CLNK: variants seen among roughly 807,000 people sequenced by gnomAD.
CLNK encodes cytokine-dependent hematopoietic cell linker.
A neutral mutation model predicts 68.6 loss-of-function variants in CLNK; 74 were observed. That is an observed-to-expected ratio of 1.08 (90% CI 0.89 to 1.31). The LOEUF (loss-of-function observed/expected upper bound fraction) is 1.31. CLNK is among the 50% of genes most tolerant of loss of function. The probability of loss-of-function intolerance (pLI) is 0.00; values close to 1 mark genes in which losing one functional copy is unlikely to be tolerated. For missense variants in CLNK, 553 were observed against 515.3 expected (o/e 1.07, Z -0.71); for synonymous variants, 198 against 172.2 (o/e 1.15, Z -1.17).
chr4:10,708,983 C>T, the CLNK span, among the ~76,000 whole-genome samples: 1 of 152,150 alleles, frequency 6.6e-6, no homozygotes, highest in Non-Finnish European at 1.5e-5. Flanking sequence ...AAAAGCCTGG[C>T]TTAACAAATC....
chr4:10,629,209 A>C (rs548904945), intron 2 of CLNK, among the ~76,000 whole-genome samples: 1 of 152,120 alleles, frequency 6.6e-6, no homozygotes, highest in South Asian at 2.1e-4. Flanking sequence ...GGTCAGATAC[A>C]TTTGTATGTG....
chr4:10,686,908 T>C (rs984082633), upstream of CLNK, among the ~76,000 whole-genome samples: 1 of 152,134 alleles, frequency 6.6e-6, no homozygotes, highest in Non-Finnish European at 1.5e-5. Flanking sequence ...TTAAAGCTTT[T>C]TTTCTTGGAA....
chr4:10,605,440 T>C (rs1395800943), intron 2 of CLNK, among the ~76,000 whole-genome samples: 1 of 152,112 alleles, frequency 6.6e-6, no homozygotes, highest in African/African-American at 2.4e-5. Context: ...CTGTAATGAA[T>C]ACTGTAGGCA....
chr4:10,577,434 G>A (rs940421567), intron 4 of CLNK, among the ~76,000 whole-genome samples: 1 of 152,104 alleles, frequency 6.6e-6, no homozygotes, highest in African/African-American at 2.4e-5. Flanking sequence ...GTCTTCTCAG[G>A]TACCAGAACC....
intron 15 of CLNK, 103 bp from the exon 16 acceptor site, chr4:10,513,700 T>C (rs1717707298): frequency 8.6e-7 from 1 of 1,159,720 alleles, no homozygotes; most frequent in Non-Finnish European, 1.2e-6. Context: ...CCTATATCTG[T>C]GAGGACCTTC....
the CLNK span, among the ~76,000 whole-genome samples, chr4:10,699,293 C>CACACACCACATACGTGTAT: frequency 9.6e-4 from 15 of 15,672 alleles, no homozygotes; most frequent in African/African-American, 2.5e-3. Context: ...TACGTGTATA[C>CACACACCACATACGTGTAT]ACACACACAC....
intron 16 of CLNK, among the ~76,000 whole-genome samples, chr4:10,513,019 C>A (rs1388569962): frequency 6.6e-6 from 1 of 152,144 alleles, no homozygotes; most frequent in African/African-American, 2.4e-5. Flanking sequence ...TAACCTCTAG[C>A]ACATTGTCTG....
chr4:10,700,002 A>ATG, the CLNK span, among the ~76,000 whole-genome samples: 3 of 39,786 alleles, frequency 7.5e-5, no homozygotes, highest in Non-Finnish European at 1.7e-4. Context: ...CTGTGTGTGC[A>ATG]TATGTGTGTG....
intron 18 of CLNK, among the ~76,000 whole-genome samples, chr4:10,494,011 C>T (rs1175799249): frequency 1.3e-5 from 2 of 152,230 alleles, no homozygotes; most frequent in South Asian, 2.1e-4. Flanking sequence ...TAACTCCTCC[C>T]TTCTAGCTTT....
At chr4:10,630,780 T>A (rs2531208) in intron 2 of CLNK, among the ~76,000 whole-genome samples, 4,876 of 152,138 alleles carry the variant, frequency 0.032, 109 homozygotes, top group Middle Eastern at 0.051. Context: ...ATGAGGTACT[T>A]ACCACAGCCT....
chr4:10,603,474 G>A (rs1424073081), intron 2 of CLNK, among the ~76,000 whole-genome samples: 1 of 152,098 alleles, frequency 6.6e-6, no homozygotes, highest in Non-Finnish European at 1.5e-5. Flanking sequence ...TTTGCCTCAT[G>A]TTCAGCACAT....
the CLNK span, among the ~76,000 whole-genome samples, chr4:10,733,612 G>A: frequency 6.6e-6 from 1 of 152,166 alleles, no homozygotes; most frequent in Non-Finnish European, 1.5e-5. Flanking sequence ...TGCACTACCT[G>A]GTTTGCCATG....
chr4:10,718,178 G>A, the CLNK span, among the ~76,000 whole-genome samples: 17 of 152,254 alleles, frequency 1.1e-4, 1 homozygote, highest in South Asian at 1.9e-3. Context: ...CAATTAAAAC[G>A]TGTTGGATCT....
At chr4:10,502,846 G>A (rs1014232238) in intron 17 of CLNK, among the ~76,000 whole-genome samples, 6 of 152,212 alleles carry the variant, frequency 3.9e-5, no homozygotes, top group African/African-American at 1.4e-4. Flanking sequence ...ATGCCTGAAA[G>A]ATGACGGAAG....
At chr4:10,498,562 G>C (rs777720186) in intron 18 of CLNK, among the ~76,000 whole-genome samples, 1 of 152,150 alleles carries the variant, frequency 6.6e-6, no homozygotes, top group Non-Finnish European at 1.5e-5. Context: ...TATAAGCTGA[G>C]AGAAGATATA....
In CLNK at chr4:10,564,732, T is replaced by C; in HGVS notation, c.338A>G (p.Asp113Gly). 1 of 1,613,860 alleles carries C rather than the reference T, an allele frequency of 6.2e-7. No individual in the cohort carries two copies. The highest frequency in any genetic ancestry group is 2.2e-5 in the East Asian group (1 of 44,888). The part of the protein sequence containing the change: ...KVAMDTPLPL[D>G]TRTSISIGQP... ...TCCAATGGAGATAGAGGTCCTGGTG[T>C]CTAACGGAAGGGGAGTGTCCATTGC... is the stretch of plus-strand genomic sequence containing the variant. Residue 113 changes from aspartate (D) to glycine (G), a missense_variant, in exon 7 of 19, where the codon GAC (aspartate) becomes GGC (glycine). Transcript: ENST00000226951.
At position 10,677,022 on chromosome 4, in the gene CLNK, A is replaced by G. The variant is rs1252248722; in HGVS notation, c.-43+7646T>C. Reference sequence around the variant, plus strand: ...CTTCCATAAATGATGGCAGAACCACATTGATTAGAGGCAGGCACTTCTAGG... The same window carrying G: ...CTTCCATAAATGATGGCAGAACCACGTTGATTAGAGGCAGGCACTTCTAGG... On this transcript the variant is annotated intron_variant, in intron 1 of 18. Coordinates refer to ENST00000226951, the MANE Select transcript of CLNK (RefSeq NM_052964.4). 2.7e-5 allele frequency among the ~76,000 whole-genome samples: 4 copies of G among 149,014 alleles called. No homozygotes were observed. In the Admixed American group the frequency reaches 2.7e-4, roughly 10 times the overall value.
At chr4:10,688,187 T>C (rs1360085547), upstream of CLNK, among the ~76,000 whole-genome samples, 1 of 152,218 alleles carries the variant, frequency 6.6e-6, no homozygotes, top group Non-Finnish European at 1.5e-5. Context: ...AAGTGTAGTA[T>C]GGGACCACCA....
At chr4:10,493,233 G>C (rs112069532) in intron 18 of CLNK, among the ~76,000 whole-genome samples, 1 of 152,162 alleles carries the variant, frequency 6.6e-6, no homozygotes, top group African/African-American at 2.4e-5. Flanking sequence ...CAGGAGAATC[G>C]CTTGAACCTG....
Sources: allele counts gnomAD v4.1 joint callset (sites outside exome capture counted in the v4.1 genomes callset), GRCh38; gene constraint gnomAD v4.1.1; transcripts MANE v1.5; gene names NCBI Gene and HGNC (gene_info 2026-07-23, HGNC 2026-07-21).